The following MTCL2 variants were observed in gnomAD, a reference collection of about 807,000 sequenced individuals.
The protein encoded by MTCL2 is microtubule cross-linking factor 2.
chr20:36,784,946 A>G, the MTCL2 span: 1 of 985,470 alleles, frequency 1.0e-6, no homozygotes, highest in African/African-American at 1.7e-5. Flanking sequence ...AGGGATCTCC[A>G]CACTCTTAAT....
chr20:36,808,815 C>G, the MTCL2 span: 2 of 1,387,014 alleles, frequency 1.4e-6, no homozygotes, highest in African/African-American at 2.9e-5. Flanking sequence ...GGCCCCTGGA[C>G]AGGGGCAGGG....
the MTCL2 span, among the ~76,000 whole-genome samples, chr20:36,817,946 G>A: frequency 6.6e-6 from 1 of 152,224 alleles, no homozygotes; most frequent in Non-Finnish European, 1.5e-5. Context: ...TCAAAGCTGA[G>A]TACCTCTCCC....
chr20:36,832,998 G>A, the MTCL2 span, among the ~76,000 whole-genome samples: 18 of 152,272 alleles, frequency 1.2e-4, no homozygotes, highest in South Asian at 8.3e-4. Context: ...AACATCCCCC[G>A]GGTGCTCACC....
At chr20:36,797,089 A>T in the MTCL2 span, 2 of 796,480 alleles carry the variant, frequency 2.5e-6, no homozygotes, top group Non-Finnish European at 4.2e-6. Context: ...ATGATCTAGC[A>T]TGGTCAGTTT....
chr20:36,788,931 C>T, the MTCL2 span, among the ~76,000 whole-genome samples: 7 of 151,970 alleles, frequency 4.6e-5, no homozygotes, highest in East Asian at 7.8e-4. Context: ...CTCAGCCTCC[C>T]GAGTAGCTGG....
At chr20:36,860,007 C>T in the MTCL2 span, 1 of 1,011,466 alleles carries the variant, frequency 9.9e-7, no homozygotes, top group Non-Finnish European at 1.3e-6. Context: ...TATTTATGGT[C>T]CACATTTAGT....
At chr20:36,851,384 C>T in the MTCL2 span, among the ~76,000 whole-genome samples, 1 of 152,202 alleles carries the variant, frequency 6.6e-6, no homozygotes, top group African/African-American at 2.4e-5. Context: ...TCCCATCGTA[C>T]AGCATACAGG....
chr20:36,816,207 A>G, the MTCL2 span: 1 of 1,613,140 alleles, frequency 6.2e-7, no homozygotes, highest in East Asian at 2.2e-5. Context: ...CTCCTCCTTC[A>G]TGCTGTCATT....
chr20:36,780,521 A>T, the MTCL2 span: 1 of 152,204 alleles, frequency 6.6e-6, no homozygotes, highest in Non-Finnish European at 1.5e-5. Flanking sequence ...CTATTCATGA[A>T]GACTAGTGAA....
chr20:36,834,047 C>G, the MTCL2 span, among the ~76,000 whole-genome samples: 1 of 151,592 alleles, frequency 6.6e-6, no homozygotes, highest in Admixed American at 6.6e-5. Flanking sequence ...CCTGTAATCC[C>G]AGCTACTCGG....
chr20:36,791,346 A>G, the MTCL2 span, among the ~76,000 whole-genome samples: 1 of 152,116 alleles, frequency 6.6e-6, no homozygotes, highest in Non-Finnish European at 1.5e-5. Context: ...TTTATATTCT[A>G]TTATCCTTTA....
chr20:36,779,168 G>A, the MTCL2 span: 1 of 152,198 alleles, frequency 6.6e-6, no homozygotes. Context: ...CTCAGGACTT[G>A]GGTCTGTATA....
the MTCL2 span, among the ~76,000 whole-genome samples, chr20:36,850,399 C>T: frequency 7.2e-5 from 11 of 151,980 alleles, no homozygotes; most frequent in Non-Finnish European, 1.0e-4. Flanking sequence ...TGGTGGTGCA[C>T]GCCTGTAATC....
chr20:36,828,926 C>T, the MTCL2 span: 1 of 1,003,738 alleles, frequency 1.0e-6, no homozygotes, highest in East Asian at 2.7e-5. Flanking sequence ...AATGAATAAA[C>T]AACCTTGCCA....
chr20:36,806,165 C>G, the MTCL2 span, among the ~76,000 whole-genome samples: 1 of 152,150 alleles, frequency 6.6e-6, no homozygotes, highest in Non-Finnish European at 1.5e-5. Flanking sequence ...AAGGCAGGCA[C>G]TGTGGTTGAA....
the MTCL2 span, chr20:36,815,904 C>T: frequency 5.0e-6 from 8 of 1,611,036 alleles, no homozygotes; most frequent in East Asian, 8.9e-5. This position sits in a 1 kb window ranked among gnomAD's most constrained non-coding sequence, Gnocchi z 5.3. Flanking sequence ...CAGGTGTCGC[C>T]GCAGCTCTGC....
the MTCL2 span, among the ~76,000 whole-genome samples, chr20:36,851,559 G>GC: frequency 6.6e-6 from 1 of 152,122 alleles, no homozygotes; most frequent in African/African-American, 2.4e-5. Context: ...GGATTTCCCT[G>GC]CCCCCCATCT....
the MTCL2 span, chr20:36,862,568 T>A: frequency 7.9e-7 from 1 of 1,267,178 alleles, no homozygotes; most frequent in Non-Finnish European, 1.0e-6. Context: ...GATTGTTCAG[T>A]GGGAAGGAGG....
the MTCL2 span, among the ~76,000 whole-genome samples, chr20:36,855,870 C>G: frequency 3.3e-5 from 5 of 152,154 alleles, no homozygotes; most frequent in Non-Finnish European, 7.4e-5. Flanking sequence ...TGGCTCCAGA[C>G]TTGACTCCAG....
Sources: gnomAD v4.1 joint callset for allele counts (sites outside exome capture counted in the v4.1 genomes callset) on GRCh38, gnomAD v4.1.1 for gene constraint, Gnocchi (gnomAD v3.1) non-coding constraint, MANE v1.5 for transcripts, NCBI Gene and HGNC (gene_info 2026-07-23, HGNC 2026-07-21) for gene names.